KCTD1: variants seen among roughly 807,000 people sequenced by gnomAD.
KCTD1 encodes BTB/POZ domain-containing protein KCTD1.
In KCTD1, 24 loss-of-function variants were observed where a neutral mutation model predicts 66.0. That is an observed-to-expected ratio of 0.36 (90% CI 0.26 to 0.51). The LOEUF (loss-of-function observed/expected upper bound fraction) is 0.51. KCTD1 is among the 20% of genes least tolerant of loss of function. KCTD1 has a pLI of 0.95. For missense variants in KCTD1, 943 were observed against 1,205.2 expected (o/e 0.78, Z 3.22); for synonymous variants, 511 against 517.2 (o/e 0.99, Z 0.16).
At chr18:26,551,452 G>C (rs1985563730), upstream of KCTD1, among the ~76,000 whole-genome samples, 1 of 152,156 alleles carries the variant, frequency 6.6e-6, no homozygotes, top group East Asian at 1.9e-4. Context: ...ACCTTGGAAA[G>C]TATGCCTTGG....
chr18:26,501,315 T>C (rs1567970088), intron 1 of KCTD1, 65 bp from the exon 2 acceptor site: 2 of 1,364,838 alleles, frequency 1.5e-6, no homozygotes, highest in African/African-American at 2.9e-5. Context: ...GAAATACATA[T>C]AGCATAAAGA....
At chr18:26,506,388 G>C (rs1983038152) in intron 1 of KCTD1, among the ~76,000 whole-genome samples, 1 of 152,170 alleles carries the variant, frequency 6.6e-6, no homozygotes, top group Admixed American at 6.5e-5. Context: ...AGGGTTGGGG[G>C]CTGGGAAGGA....
chr18:26,533,113 C>T (rs1481682887), intron 1 of KCTD1, among the ~76,000 whole-genome samples: 2 of 152,134 alleles, frequency 1.3e-5, no homozygotes, highest in Non-Finnish European at 2.9e-5. Context: ...TGAGTACTTA[C>T]ATAACATGTG....
rs1394672602 is a variant in KCTD1 at position 26,474,777 on chromosome 18, T to A, written c.2133+1738A>T. Among the ~76,000 whole-genome samples, 3 of 152,356 alleles carry A rather than the reference T, an allele frequency of 2.0e-5. No individual in the cohort carries two copies. In the South Asian group the frequency reaches 6.2e-4, roughly 32 times the overall value. On this transcript the variant is annotated intron_variant, in intron 3 of 4. Transcript: ENST00000580059. ...ATGTCTTCAATTCAACTATTTTTTT[T>A]AAAGGATAGCTTCTGGGTATGAAGT...
chr18:26,584,912 C>A (rs774118793), intron 1 of KCTD1, among the ~76,000 whole-genome samples: 1 of 152,106 alleles, frequency 6.6e-6, no homozygotes, highest in Non-Finnish European at 1.5e-5. Context: ...GGCAGAGAGA[C>A]GGCAGCTCCC....
In KCTD1 at chr18:26,546,709, TAG is replaced by T; in HGVS notation, c.1809+17_1809+18del. The T allele has an allele frequency of 5.2e-6, 8 of 1,535,146 alleles. No homozygotes were observed. Among genetic ancestry groups the T allele is most frequent in the South Asian group, 1.2e-5 (1 of 80,378 alleles). Reference sequence around the variant, plus strand: ...TGGTACCAAAGAAACATTTCATGCATAGAGTTTGGTTTGGTTACCTGGGTGGG... The same window carrying T: ...TGGTACCAAAGAAACATTTCATGCATAGTTTGGTTTGGTTACCTGGGTGGG... On this transcript the variant is annotated intron_variant, in intron 1 of 4. Coordinates refer to ENST00000580059, the MANE Select transcript of KCTD1 (RefSeq NM_001142730.3).
At chr18:26,482,685 G>T (rs1030180200) in intron 2 of KCTD1, among the ~76,000 whole-genome samples, 2 of 152,172 alleles carry the variant, frequency 1.3e-5, no homozygotes, top group East Asian at 3.8e-4. Context: ...ATGAACCAAG[G>T]CATGTAACTC....
chr18:26,578,057 CTTT>C (rs11381611), intron 1 of KCTD1, among the ~76,000 whole-genome samples: 85 of 117,020 alleles, frequency 7.3e-4, no homozygotes, highest in African/African-American at 2.7e-3. Flanking sequence ...TCTTTTCTTT[CTTT>C]TTTTTTTTTT....
intron 1 of KCTD1, among the ~76,000 whole-genome samples, chr18:26,647,483 A>ACACTCCAGT (rs1330186417): frequency 7.6e-6 from 1 of 131,200 alleles, no homozygotes; most frequent in Admixed American, 9.0e-5. Context: ...TCATGCCGCT[A>ACACTCCAGT]CACTCCAGTC....
chr18:26,584,971 A>C (rs1274929356), intron 1 of KCTD1, among the ~76,000 whole-genome samples: 1 of 152,026 alleles, frequency 6.6e-6, no homozygotes, highest in East Asian at 1.9e-4. Flanking sequence ...GAGCTGAGGG[A>C]CTGTGGGGGT....
chr18:26,498,668 A>G (rs1982602564), intron 2 of KCTD1, among the ~76,000 whole-genome samples: 1 of 151,972 alleles, frequency 6.6e-6, no homozygotes, highest in Non-Finnish European at 1.5e-5. Flanking sequence ...GCCTATTTAA[A>G]GCGCTCAATA....
intron 2 of KCTD1, among the ~76,000 whole-genome samples, chr18:26,491,701 G>A (rs886800158): frequency 5.3e-5 from 8 of 152,146 alleles, no homozygotes; most frequent in African/African-American, 1.7e-4. Flanking sequence ...TGGCTTCCTC[G>A]GGGGCTGAAG....
At chr18:26,506,793 A>AT (rs1326667329) in intron 1 of KCTD1, among the ~76,000 whole-genome samples, 4 of 152,240 alleles carry the variant, frequency 2.6e-5, no homozygotes, top group African/African-American at 4.8e-5. Context: ...GCACAGTTCA[A>AT]TATGGTCACC....
chr18:26,585,764 C>G (rs901216788), intron 1 of KCTD1, among the ~76,000 whole-genome samples: 3 of 152,084 alleles, frequency 2.0e-5, no homozygotes, highest in South Asian at 2.1e-4. Flanking sequence ...TAATAAGCAC[C>G]CTTTGGACAG....
At chr18:26,502,121 C>T (rs1952744382) in intron 1 of KCTD1, among the ~76,000 whole-genome samples, 1 of 152,238 alleles carries the variant, frequency 6.6e-6, no homozygotes, top group Non-Finnish European at 1.5e-5. Flanking sequence ...ACGATCTCGG[C>T]TCACTGCCAG....
At chr18:26,635,901 A>C (rs1302617925) in intron 1 of KCTD1, among the ~76,000 whole-genome samples, 2 of 152,108 alleles carry the variant, frequency 1.3e-5, no homozygotes, top group African/African-American at 4.8e-5. Flanking sequence ...CCCCAACCAA[A>C]GACCATCAAG....
chr18:26,455,801 A>G lies in KCTD1; in HGVS notation c.2540T>C (p.Leu847Pro), dbSNP rs775042565. 1.9e-6 allele frequency: 3 copies of G among 1,614,200 alleles called. No homozygotes were observed. In the South Asian group the frequency reaches 3.3e-5, roughly 18 times the overall value. Residue 847 changes from leucine to proline, a missense_variant, in exon 5 of 5, where the codon CTG becomes CCG. Coordinates refer to ENST00000580059, the MANE Select transcript of KCTD1 (RefSeq NM_001142730.3). ...QFSEYVLRRE[L>P]RRTPRVPSVI... ...GGAGGGTACACGGGGCGTCCGCCTC[A>G]GTTCCCGCCGAAGGACGTATTCGCT...
chr18:26,514,419 G>C (rs540515488), intron 1 of KCTD1, among the ~76,000 whole-genome samples: 1 of 151,926 alleles, frequency 6.6e-6, no homozygotes, highest in South Asian at 2.1e-4. Context: ...GGGCGTAGTG[G>C]TCTCAGCCTA....
At chr18:26,494,781 C>CT (rs1299788141) in intron 2 of KCTD1, among the ~76,000 whole-genome samples, 1 of 152,132 alleles carries the variant, frequency 6.6e-6, no homozygotes, top group Non-Finnish European at 1.5e-5. Context: ...GCTTTCCCCC[C>CT]TTTTAAGTTC....
Sources: allele counts gnomAD v4.1 joint callset (sites outside exome capture counted in the v4.1 genomes callset), GRCh38; gene constraint gnomAD v4.1.1; transcripts MANE v1.5; gene names NCBI Gene and HGNC (gene_info 2026-07-23, HGNC 2026-07-21).